The following COL18A1 variants were observed in gnomAD, a reference collection of about 807,000 sequenced individuals.
COL18A1 encodes collagen type XVIII alpha 1 chain.
A neutral mutation model predicts 168.0 loss-of-function variants in COL18A1; 133 were observed. The observed-to-expected ratio is 0.79, with a 90% CI of 0.69 to 0.91. The LOEUF (loss-of-function observed/expected upper bound fraction) is 0.91, where lower values mean the gene tolerates loss of function less well. Among genes scored for constraint, COL18A1 ranks in the 40% least tolerant of loss-of-function variants. The pLI is 0.00. For missense variants in COL18A1, 2,126 were observed against 1,925.4 expected (o/e 1.10, Z -1.95); for synonymous variants, 949 against 809.0 (o/e 1.17, Z -2.94).
intron 36 of COL18A1, 147 bp from the exon 37 acceptor site, chr21:45,505,691 G>A: frequency 5.6e-6 from 4 of 715,426 alleles, no homozygotes; most frequent in Non-Finnish European, 9.7e-6. Context: ...GGGTCCCCAT[G>A]GTGCTCATGG....
In COL18A1 at chr21:45,405,216, G is replaced by A. The variant is rs1282371998; in HGVS notation, c.-15G>A. On this transcript the variant is annotated 5_prime_UTR_variant, in exon 1 of 42. Transcript: ENST00000651438. ...GGAGGCAGCATCCCGCGGCGCTGAC[G>A]GTCCTGGGGAGAGCATGGCGCCGAG... 3 of 356,594 alleles carry A rather than the reference G, an allele frequency of 8.4e-6. No homozygotes were observed. Among genetic ancestry groups the A allele is most frequent in the Admixed American group, 1.1e-4 (2 of 19,038 alleles). 22.1% of individuals were successfully genotyped at this position (356,594 alleles called of 1,614,324 possible).
chr21:45,436,699 C>T (rs1464563627), intron 2 of COL18A1, among the ~76,000 whole-genome samples: 1 of 150,420 alleles, frequency 6.6e-6, no homozygotes, highest in Non-Finnish European at 1.5e-5. Context: ...GCTGAGGCTG[C>T]TCAGGGGACT....
intron 15 of COL18A1, among the ~76,000 whole-genome samples, chr21:45,485,035 C>T (rs931439803): frequency 2.6e-5 from 4 of 151,922 alleles, no homozygotes; most frequent in African/African-American, 4.8e-5. Context: ...ACAGAGTCTC[C>T]GCAGTGGTGC....
chr21:45,444,157 C>T (rs1224696798), intron 2 of COL18A1, among the ~76,000 whole-genome samples: 3 of 152,234 alleles, frequency 2.0e-5, no homozygotes, highest in African/African-American at 7.2e-5. Context: ...TCCCATGTGA[C>T]ACATTCGCTC....
At chr21:45,494,657 C>T in intron 27 of COL18A1, 86 bp downstream of exon 27, 1 of 1,583,700 alleles carries the variant, frequency 6.3e-7, no homozygotes, top group Non-Finnish European at 8.7e-7. Context: ...TGAGCTTGTG[C>T]TGTGCGGCCC....
chr21:45,489,038 G>A (rs990833786), intron 18 of COL18A1, among the ~76,000 whole-genome samples: 19 of 152,200 alleles, frequency 1.2e-4, no homozygotes, highest in African/African-American at 3.4e-4. Flanking sequence ...TGCTGCGTGC[G>A]GGGCCAAGGG....
chr21:45,429,028 G>T (rs900122909), intron 2 of COL18A1, among the ~76,000 whole-genome samples: 24 of 151,444 alleles, frequency 1.6e-4, no homozygotes, highest in Admixed American at 6.6e-5. Context: ...TCAGCCTCCC[G>T]AGTAGCTGGG....
chr21:45,501,389 C>T (rs938390653), intron 32 of COL18A1, among the ~76,000 whole-genome samples: 7 of 152,250 alleles, frequency 4.6e-5, no homozygotes, highest in Non-Finnish European at 8.8e-5. Context: ...TCCCCAGCAT[C>T]GGGACCGGGG....
chr21:45,511,992 G>A (rs963370824), intron 41 of COL18A1, among the ~76,000 whole-genome samples, 196 bp from the exon 42 acceptor site: 12 of 152,138 alleles, frequency 7.9e-5, no homozygotes, highest in African/African-American at 2.7e-4. Context: ...CAGCATGGGG[G>A]GCAGTCTGGG....
At chr21:45,480,277 G>C in intron 11 of COL18A1, 121 bp downstream of exon 11, 11 of 1,192,322 alleles carry the variant, frequency 9.2e-6, no homozygotes, top group Non-Finnish European at 1.2e-5. Flanking sequence ...TGGCTGAGCT[G>C]AGGGGTCACA....
At chr21:45,453,666 C>T (rs1353186439) in intron 2 of COL18A1, among the ~76,000 whole-genome samples, 1 of 151,924 alleles carries the variant, frequency 6.6e-6, no homozygotes, top group Admixed American at 6.6e-5. Flanking sequence ...GGACAGTGGG[C>T]AGGAAGGGTG....
In COL18A1 at chr21:45,512,501, G is replaced by C. The variant is rs2037670677; in HGVS notation, c.*103G>C. 2 of 1,053,050 alleles carry C rather than the reference G, an allele frequency of 1.9e-6. No individual in the cohort carries two copies. The highest frequency in any genetic ancestry group is 3.1e-5 in the African/African-American group (2 of 63,864). 65.2% of individuals were successfully genotyped at this position (1,053,050 alleles called of 1,614,324 possible). A position where few individuals can be genotyped will look rare whatever the true frequency, so the allele number is the denominator to read the frequency against. ...CAGCCCCTGGCCCCAGGACCTGGCT[G>C]CCATACTTTCCTGTATAGTTCACGT... On this transcript the variant is annotated 3_prime_UTR_variant, in exon 42 of 42. Coordinates refer to ENST00000651438, the MANE Select transcript of COL18A1 (RefSeq NM_001379500.1).
chr21:45,416,245 T>C (rs2033439777), intron 2 of COL18A1, among the ~76,000 whole-genome samples: 1 of 152,170 alleles, frequency 6.6e-6, no homozygotes, highest in Non-Finnish European at 1.5e-5. Flanking sequence ...TCAGGAGCAG[T>C]AGGGCCGGCC....
chr21:45,484,061 C>CAT (rs2035996452), intron 15 of COL18A1, among the ~76,000 whole-genome samples: 1 of 145,134 alleles, frequency 6.9e-6, no homozygotes, highest in African/African-American at 2.6e-5. Context: ...TGTACACACA[C>CAT]ACACACTTCT....
In COL18A1 at chr21:45,497,588, T is replaced by C; in HGVS notation, c.2621-11T>C. The C allele has an allele frequency of 6.4e-7, 1 of 1,557,418 alleles. No individual in the cohort carries two copies. The highest frequency in any genetic ancestry group is 2.4e-5 in the East Asian group (1 of 41,386). On this transcript the variant is annotated splice_polypyrimidine_tract_variant and intron_variant, in intron 31 of 41. Transcript: ENST00000651438. ...ACATTCCTGATGGGCACTGGGTCTC[T>C]CTTCCTCCAGGGAATCAGGGCCCTC...
intron 32 of COL18A1, among the ~76,000 whole-genome samples, chr21:45,501,695 G>GC (rs1321188927): frequency 6.1e-5 from 9 of 147,094 alleles, no homozygotes; most frequent in Non-Finnish European, 7.6e-5. Flanking sequence ...ACCCCCAGGG[G>GC]CTCCACAGCC....
At chr21:45,455,033 G>A (rs189081058) in intron 2 of COL18A1, among the ~76,000 whole-genome samples, 3 of 152,384 alleles carry the variant, frequency 2.0e-5, no homozygotes, top group African/African-American at 4.8e-5. Context: ...CAGTGGAATT[G>A]GCACTGCAGC....
At chr21:45,500,408 TGGGTGTG>T (rs1297006729) in intron 32 of COL18A1, among the ~76,000 whole-genome samples, 1 of 91,478 alleles carries the variant, frequency 1.1e-5, no homozygotes, top group African/African-American at 4.4e-5. Context: ...ATGTGGGTGT[TGGGTGTG>T]TGGTGTGGGG....
chr21:45,513,545 C>CT lies in COL18A1; in HGVS notation c.*1147_*1148insT, dbSNP rs143456926. The stretch of plus-strand genomic sequence containing the variant: ...ACCCCTGAGATCCGGCAACATCAAC[C>CT]CGAGTCATTCGTTCTGTGGAGGGAC... On this transcript the variant is annotated 3_prime_UTR_variant, in exon 42 of 42. Transcript: ENST00000651438. 2 of 110,148 alleles carry CT rather than the reference C, an allele frequency of 1.8e-5. No individual in the cohort carries two copies. Among genetic ancestry groups the CT allele is most frequent in the African/African-American group, 9.0e-5 (2 of 22,114 alleles). 6.8% of individuals were successfully genotyped at this position (110,148 alleles called of 1,614,324 possible). A position where few individuals can be genotyped will look rare whatever the true frequency, so the allele number is the denominator to read the frequency against.
Sources: gnomAD v4.1 joint callset for allele counts (sites outside exome capture counted in the v4.1 genomes callset) on GRCh38, gnomAD v4.1.1 for gene constraint, MANE v1.5 for transcripts, NCBI Gene and HGNC (gene_info 2026-07-23, HGNC 2026-07-21) for gene names.